Variants in SLC12A5 observed in about 807,000 individuals in gnomAD.
SLC12A5 encodes solute carrier family 12 member 5, also known as K-Cl cotransporter 2.
Under a neutral mutation model 124.0 loss-of-function variants are expected in SLC12A5, and 18 were observed. The observed-to-expected ratio is 0.15, with a 90% CI of 0.10 to 0.22. SLC12A5 has a LOEUF of 0.22. Ranked by LOEUF, SLC12A5 falls within the 10% of genes least tolerant of loss-of-function variation. The probability of loss-of-function intolerance (pLI) is 1.00; values close to 1 mark genes in which losing one functional copy is unlikely to be tolerated. For missense variants in SLC12A5, 867 were observed against 1,478.7 expected, an observed-to-expected ratio of 0.59 and a Z score of 6.78; for synonymous variants, 589 against 568.0, an observed-to-expected ratio of 1.04 and a Z score of -0.53.
At chr20:46,039,813 CCAA>C (rs1226761932) in intron 6 of SLC12A5, among the ~76,000 whole-genome samples, 14 of 151,846 alleles carry the variant, frequency 9.2e-5, no homozygotes, top group African/African-American at 3.4e-4. Context: ...CAATAAAAAA[CCAA>C]CAACAACAAT....
At position 46,057,521 on chromosome 20, in the gene SLC12A5, G is replaced by A. The variant is rs374697509; in HGVS notation, c.3267G>A (p.Glu1089=). Residue 1089 remains glutamate, a synonymous_variant, in exon 26 of 26, where the codon GAG becomes GAA. Transcript: ENST00000243964. This position sits in a 1 kb window ranked among gnomAD's most constrained non-coding sequence, Gnocchi z 7.1. The part of the protein sequence containing the change: ...RNRNGDENYM[E]FLEVLTEHLD... ...TCCTTGACCGGCTCTCAGACATGGA[G>A]TTTCTCGAGGTCCTCACAGAGCACC... The A allele has an allele frequency of 6.2e-7, 1 of 1,614,016 alleles. No homozygotes were observed. The highest frequency in any genetic ancestry group is 8.5e-7 in the Non-Finnish European group (1 of 1,180,022).
Position 46,053,913 on chromosome 20 carries a change from C to T in SLC12A5, c.2679+204C>T, listed in dbSNP as rs1889502890. Reference sequence around the variant, plus strand: ...TCTAGTGCTTATTATATGCCAGGCACTGTTCTATGCACTTTATATGTACAT... The same window carrying T: ...TCTAGTGCTTATTATATGCCAGGCATTGTTCTATGCACTTTATATGTACAT... On this transcript the variant is annotated intron_variant, in intron 20 of 25. Coordinates refer to ENST00000243964, the MANE Select transcript of SLC12A5 (RefSeq NM_020708.5). The surrounding 1 kb of genome is among the most constrained non-coding windows in gnomAD (Gnocchi z 4.7). Among the ~76,000 whole-genome samples the T allele has an allele frequency of 6.6e-6, 1 of 152,212 alleles. No individual in the cohort carries two copies. Among genetic ancestry groups the T allele is most frequent in the Non-Finnish European group, 1.5e-5 (1 of 68,036 alleles).
chr20:46,047,685 G>A, intron 15 of SLC12A5, 112 bp downstream of exon 15: 1 of 1,393,102 alleles, frequency 7.2e-7, no homozygotes, highest in East Asian at 2.3e-5. Context: ...GAAGCAGGGA[G>A]TGGGAGAGGA....
Position 46,059,414 on chromosome 20 carries a change from CA to C in SLC12A5, c.*1811del, listed in dbSNP as rs1284794474. On this transcript the variant is annotated 3_prime_UTR_variant, in exon 26 of 26. Coordinates refer to ENST00000243964, the MANE Select transcript of SLC12A5 (RefSeq NM_020708.5). ...GACTGGATAGATTCTTTCAGGTACT[CA>C]ATCAGGAAGCTGGAGGTGTTAGACA... is the stretch of plus-strand genomic sequence containing the variant. 1 of 396,456 alleles carries C rather than the reference CA, an allele frequency of 2.5e-6. No homozygotes were observed. The highest frequency in any genetic ancestry group is 2.1e-5 in the African/African-American group (1 of 48,608). The allele number at this position is 396,456 out of a possible 1,614,324, so 24.6% of individuals were successfully genotyped here. A position where few individuals can be genotyped will look rare whatever the true frequency, so the allele number is the denominator to read the frequency against.
At chr20:46,031,837 G>A (rs1480084891) in intron 1 of SLC12A5, among the ~76,000 whole-genome samples, 1 of 152,236 alleles carries the variant, frequency 6.6e-6, no homozygotes, top group Non-Finnish European at 1.5e-5. Context: ...TCGCGCGCGC[G>A]CCGCTCGGCG....
rs1568867681 is a variant in SLC12A5 at position 46,053,176 on chromosome 20, A to ATGCATTTGTG, written c.2547+56_2547+65dup. 6.4e-7 allele frequency: 1 copy of ATGCATTTGTG among 1,569,574 alleles called. No homozygotes were observed. On this transcript the variant is annotated intron_variant, in intron 19 of 25. Coordinates refer to ENST00000243964, the MANE Select transcript of SLC12A5 (RefSeq NM_020708.5). The surrounding 1 kb of genome is among the most constrained non-coding windows in gnomAD (Gnocchi z 4.7). Reference sequence around the variant, plus strand: ...CACGTGTGAGTGTGTGTATGCATGTATGCATTTGTGTGCATATGTGCACAA... The same window carrying ATGCATTTGTG: ...CACGTGTGAGTGTGTGTATGCATGTATGCATTTGTGTGCATTTGTGTGCATATGTGCACAA...
In SLC12A5 at chr20:46,058,503, T is replaced by A; in HGVS notation, c.*898T>A. On this transcript the variant is annotated 3_prime_UTR_variant, in exon 26 of 26. Coordinates refer to ENST00000243964, the MANE Select transcript of SLC12A5 (RefSeq NM_020708.5). The surrounding 1 kb of genome is among the most constrained non-coding windows in gnomAD (Gnocchi z 5.8). ...CAGAGACGCGAGCAACCTCTTCTCA[T>A]CGGCTCTTATGCAAGTTGGGGCCAG... is the stretch of plus-strand genomic sequence containing the variant. 1 of 399,082 alleles carries A rather than the reference T, an allele frequency of 2.5e-6. No individual in the cohort carries two copies. The highest frequency in any genetic ancestry group is 4.4e-6 in the Non-Finnish European group (1 of 226,152). 24.7% of individuals were successfully genotyped at this position (399,082 alleles called of 1,614,324 possible).
intron 4 of SLC12A5, among the ~76,000 whole-genome samples, chr20:46,036,396 A>G (rs1600591661): frequency 2.6e-5 from 4 of 152,362 alleles, no homozygotes; most frequent in African/African-American, 9.6e-5. Flanking sequence ...CATGTGAGGT[A>G]CGCAGTGTCG....
intron 1 of SLC12A5, among the ~76,000 whole-genome samples, chr20:46,034,221 G>A (rs1399464715): frequency 6.6e-6 from 1 of 152,076 alleles, no homozygotes; most frequent in Non-Finnish European, 1.5e-5. Context: ...TCCCTCCCAG[G>A]CTAGCTCTTA....
At chr20:46,044,722 G>A in intron 11 of SLC12A5, 1 of 528,818 alleles carries the variant, frequency 1.9e-6, no homozygotes, top group Non-Finnish European at 3.4e-6. Flanking sequence ...ATGCAGTGGG[G>A]GACGTGGGGC....
chr20:46,053,540 T>C lies in SLC12A5; in HGVS notation c.2548-38T>C, dbSNP rs201643049. On this transcript the variant is annotated intron_variant, in intron 19 of 25. Transcript: ENST00000243964. The surrounding 1 kb of genome is among the most constrained non-coding windows in gnomAD (Gnocchi z 4.7). The stretch of plus-strand genomic sequence containing the variant: ...TGGCCCTGGATCTCCTCATCACATC[T>C]GGGCTGGACCTTTCTGAATCCCCTT... 1.2e-6 allele frequency: 2 copies of C among 1,611,050 alleles called. No individual in the cohort carries two copies. Among genetic ancestry groups the C allele is most frequent in the African/African-American group, 2.7e-5 (2 of 75,044 alleles).
intron 16 of SLC12A5, among the ~76,000 whole-genome samples, chr20:46,049,053 T>G (rs912227238): frequency 3.9e-5 from 6 of 152,098 alleles, no homozygotes; most frequent in African/African-American, 1.4e-4. Context: ...GTTAGGGCAT[T>G]GTTGACTTGT....
intron 14 of SLC12A5, among the ~76,000 whole-genome samples, chr20:46,046,676 C>T (rs1030702967): frequency 6.6e-6 from 1 of 152,160 alleles, no homozygotes; most frequent in Admixed American, 6.5e-5. Flanking sequence ...CTCTCCTGTC[C>T]GTGATGCCCA....
chr20:46,042,874 G>A (rs1052026572), intron 8 of SLC12A5, among the ~76,000 whole-genome samples: 2 of 152,042 alleles, frequency 1.3e-5, no homozygotes, highest in African/African-American at 2.4e-5. Flanking sequence ...GGGACACATC[G>A]ACTCAATCTG....
chr20:46,023,107 C>T, intron 2 of SLC12A5: 1 of 399,388 alleles, frequency 2.5e-6, no homozygotes, highest in Non-Finnish European at 4.4e-6. Context: ...AGCGCCGAAA[C>T]CCCTAGAGTA....
rs1600598772 is a variant in SLC12A5 at position 46,045,134 on chromosome 20, C to T, written c.1563C>T (p.Phe521=). The T allele has an allele frequency of 6.3e-7, 1 of 1,579,068 alleles. No individual in the cohort carries two copies. Among genetic ancestry groups the T allele is most frequent in the African/African-American group, 1.3e-5 (1 of 74,634 alleles). ...TCTCGAGGGATGGCATTGTGCCCTT[C>T]CTGCAGGTCAGTGTGGGAGAAGAAC... ...QAISRDGIVP[F]LQVFGHGKAN... The change falls in exon 12 of 26, where the codon TTC becomes TTT. Residue 521 remains phenylalanine (F), a synonymous_variant. Coordinates refer to ENST00000243964, the MANE Select transcript of SLC12A5 (RefSeq NM_020708.5). This position sits in a 1 kb window ranked among gnomAD's most constrained non-coding sequence, Gnocchi z 4.9.
chr20:46,052,895 TG>T, intron 18 of SLC12A5, 61 bp from the exon 19 acceptor site: 1 of 1,509,320 alleles, frequency 6.6e-7, no homozygotes, highest in Non-Finnish European at 8.9e-7. Context: ...TGGCTGCTGC[TG>T]GGTGTTGGGA....
chr20:46,040,296 CT>C, intron 6 of SLC12A5, 76 bp from the exon 7 acceptor site: 3 of 1,577,426 alleles, frequency 1.9e-6, no homozygotes, highest in Non-Finnish European at 1.7e-6. Flanking sequence ...TGATGAGCAT[CT>C]TTTTTCCTAA....
chr20:46,035,996 A>G, intron 4 of SLC12A5, 73 bp downstream of exon 4: 1 of 1,525,896 alleles, frequency 6.6e-7, no homozygotes. Flanking sequence ...GGGAGGTGGG[A>G]GGATGGAAGC....
Sources: gnomAD v4.1 joint callset for allele counts (sites outside exome capture counted in the v4.1 genomes callset) on GRCh38, gnomAD v4.1.1 for gene constraint, Gnocchi (gnomAD v3.1) non-coding constraint, MANE v1.5 for transcripts, NCBI Gene and HGNC (gene_info 2026-07-23, HGNC 2026-07-21) for gene names.